GRM7: variants seen among roughly 807,000 people sequenced by gnomAD.
GRM7 encodes glutamate metabotropic receptor 7, also known as metabotropic glutamate receptor 7.
In GRM7, 35 loss-of-function variants were observed where a neutral mutation model predicts 84.5. That is an observed-to-expected ratio of 0.41 (90% CI 0.32 to 0.55). GRM7 has a LOEUF of 0.55. GRM7 is among the 20% of genes least tolerant of loss of function. GRM7 has a pLI of 0.19. For synonymous variants in GRM7, 487 were observed against 455.1 expected, an observed-to-expected ratio of 1.07 and a Z score of -0.89; for missense variants, 1,003 against 1,194.6, an observed-to-expected ratio of 0.84 and a Z score of 2.36.
intron 9 of GRM7, among the ~76,000 whole-genome samples, chr3:7,682,739 T>C (rs184090361): frequency 1.2e-3 from 177 of 152,330 alleles, no homozygotes; most frequent in African/African-American, 4.0e-3. Flanking sequence ...TATTTAATGA[T>C]GAGGTGCAAT....
chr3:6,906,324 A>C (rs748603265), intron 1 of GRM7, among the ~76,000 whole-genome samples: 2 of 152,178 alleles, frequency 1.3e-5, no homozygotes, highest in Non-Finnish European at 2.9e-5. Context: ...AAGCTAAGTC[A>C]GTGCTGAAGT....
chr3:7,544,255 G>A (rs758079028), intron 7 of GRM7, among the ~76,000 whole-genome samples: 16 of 152,144 alleles, frequency 1.1e-4, no homozygotes, highest in Non-Finnish European at 1.6e-4. Flanking sequence ...CTCGAACTCC[G>A]GGGCTCAAGG....
At chr3:7,269,777 G>A in intron 2 of GRM7, among the ~76,000 whole-genome samples, 1 of 152,300 alleles carries the variant, frequency 6.6e-6, no homozygotes, top group Middle Eastern at 3.4e-3. Flanking sequence ...TCATTTTGAA[G>A]GCTATCTGGT....
At chr3:6,894,691 G>A (rs1696109795) in intron 1 of GRM7, among the ~76,000 whole-genome samples, 1 of 152,140 alleles carries the variant, frequency 6.6e-6, no homozygotes, top group South Asian at 2.1e-4. Flanking sequence ...AAGATAGGAT[G>A]TAAACTGGGT....
intron 9 of GRM7, among the ~76,000 whole-genome samples, chr3:7,693,387 T>A (rs536388728): frequency 6.6e-6 from 1 of 150,686 alleles, no homozygotes; most frequent in African/African-American, 2.4e-5. Context: ...CATCACCTGC[T>A]CCTCTCTCTG....
At chr3:7,665,662 C>T (rs1311226757) in intron 8 of GRM7, among the ~76,000 whole-genome samples, 1 of 122,446 alleles carries the variant, frequency 8.2e-6, no homozygotes, top group Non-Finnish European at 1.7e-5. Flanking sequence ...ACAATCTACT[C>T]TTTCATTAAA....
intron 1 of GRM7, among the ~76,000 whole-genome samples, chr3:7,045,891 T>C (rs1351029296): frequency 2.6e-5 from 4 of 152,160 alleles, no homozygotes; most frequent in Non-Finnish European, 5.9e-5. Context: ...TATGGATATA[T>C]ACCCAGAAGT....
At chr3:6,969,762 C>A (rs528915085) in intron 1 of GRM7, among the ~76,000 whole-genome samples, 1 of 152,276 alleles carries the variant, frequency 6.6e-6, no homozygotes, top group South Asian at 2.1e-4. Context: ...TAAGGCCCAG[C>A]CCTTTAAAGA....
intron 7 of GRM7, among the ~76,000 whole-genome samples, chr3:7,576,839 G>T (rs1423962183): frequency 7.4e-6 from 1 of 134,914 alleles, no homozygotes; most frequent in African/African-American, 2.5e-5. Context: ...AGGACTCTTG[G>T]TCGCAAGTAT....
At position 7,146,405 on chromosome 3, in the gene GRM7, T is replaced by C. The variant is rs114821239; in HGVS notation, c.520-47T>C. Reference sequence around the variant, plus strand: ...CTGTCATAAGTATAAATGAGTCTCTTACATCCTGACGGTGCACTCTCACGT... The same window carrying C: ...CTGTCATAAGTATAAATGAGTCTCTCACATCCTGACGGTGCACTCTCACGT... On this transcript the variant is annotated intron_variant, in intron 1 of 9. Coordinates refer to ENST00000357716, the MANE Select transcript of GRM7 (RefSeq NM_000844.4). The C allele has an allele frequency of 1.9e-3, 2,651 of 1,363,818 alleles. 27 individuals carry two copies. In the African/African-American group the frequency reaches 0.028, roughly 14 times the overall value. 84.5% of individuals were successfully genotyped at this position (1,363,818 alleles called of 1,614,324 possible). A position where few individuals can be genotyped will look rare whatever the true frequency, so the allele number is the denominator to read the frequency against.
chr3:7,505,814 G>C (rs576876606), intron 7 of GRM7, among the ~76,000 whole-genome samples: 1 of 152,280 alleles, frequency 6.6e-6, no homozygotes, highest in South Asian at 2.1e-4. Flanking sequence ...GTCTGGGCCT[G>C]TGATGGGAAA....
intron 2 of GRM7, among the ~76,000 whole-genome samples, chr3:7,236,675 G>T (rs112790785): frequency 1.1e-4 from 17 of 152,276 alleles, no homozygotes; most frequent in African/African-American, 4.1e-4. Flanking sequence ...AAGTGATCCA[G>T]GGCCAGGTTA....
At chr3:7,365,666 C>CATATATATAT (rs1559269403) in intron 4 of GRM7, among the ~76,000 whole-genome samples, 1 of 127,876 alleles carries the variant, frequency 7.8e-6, no homozygotes. Flanking sequence ...TATATATATA[C>CATATATATAT]ACACACGCAC....
chr3:7,266,042 C>T (rs1221576057), intron 2 of GRM7, among the ~76,000 whole-genome samples: 3 of 152,014 alleles, frequency 2.0e-5, no homozygotes, highest in African/African-American at 4.8e-5. Flanking sequence ...GCCTGTGAGT[C>T]CCCGGTGCAT....
At chr3:7,117,608 C>T (rs751072777) in intron 1 of GRM7, among the ~76,000 whole-genome samples, 1 of 152,160 alleles carries the variant, frequency 6.6e-6, no homozygotes, top group Non-Finnish European at 1.5e-5. Flanking sequence ...CATCAGTTAT[C>T]CTCATGCTCT....
intron 1 of GRM7, among the ~76,000 whole-genome samples, chr3:6,964,451 G>C (rs183523522): frequency 6.6e-5 from 10 of 152,106 alleles, no homozygotes; most frequent in Admixed American, 1.3e-4. Flanking sequence ...CAGTAAGTCC[G>C]TAACATCCCT....
At chr3:7,693,503 C>CTACATTTTTGT (rs1476298254) in intron 9 of GRM7, 5 of 676,882 alleles carry the variant, frequency 7.4e-6, no homozygotes, top group Non-Finnish European at 1.3e-5. Flanking sequence ...ATGAAAAATG[C>CTACATTTTTGT]TACATTTTTG....
intron 8 of GRM7, 95 bp downstream of exon 8, chr3:7,579,452 G>A (rs1479772760): frequency 2.0e-5 from 14 of 697,502 alleles, no homozygotes; most frequent in South Asian, 8.4e-5. Flanking sequence ...AAGAAGTTTC[G>A]TATATGCAGA....
intron 1 of GRM7, among the ~76,000 whole-genome samples, chr3:6,908,742 A>T (rs1328872281): frequency 6.6e-6 from 1 of 152,128 alleles, no homozygotes; most frequent in South Asian, 2.1e-4. Context: ...ACTCTATCCC[A>T]TAAAATTTCT....
Sources: gnomAD v4.1 joint callset for allele counts (sites outside exome capture counted in the v4.1 genomes callset) on GRCh38, gnomAD v4.1.1 for gene constraint, MANE v1.5 for transcripts, NCBI Gene and HGNC (gene_info 2026-07-23, HGNC 2026-07-21) for gene names.